Variants in SORCS3 observed in about 807,000 individuals in gnomAD.
SORCS3 encodes VPS10 domain-containing receptor SorCS3.
SORCS3 carries 57 observed loss-of-function variants against 146.3 expected under a neutral mutation model. The ratio of observed to expected loss-of-function variants is 0.39; its 90% confidence interval spans 0.31 to 0.49. The LOEUF (loss-of-function observed/expected upper bound fraction) is 0.49, where lower values mean the gene tolerates loss of function less well. Among genes scored for constraint, SORCS3 ranks in the 20% least tolerant of loss-of-function variants. The pLI is 0.92. For synonymous variants in SORCS3, 653 were observed against 618.5 expected (o/e 1.06, Z -0.83); for missense variants, 1,341 against 1,575.5 (o/e 0.85, Z 2.52).
intron 4 of SORCS3, among the ~76,000 whole-genome samples, chr10:104,999,898 GT>G (rs1278496698): frequency 2.0e-5 from 3 of 152,102 alleles, no homozygotes; most frequent in Admixed American, 2.0e-4. Context: ...CCACCTTCTT[GT>G]GATGGGCAGA....
At chr10:104,953,052 A>G (rs1274293918) in intron 3 of SORCS3, among the ~76,000 whole-genome samples, 3 of 152,216 alleles carry the variant, frequency 2.0e-5, no homozygotes, top group African/African-American at 7.2e-5. Context: ...TGAAGTTACA[A>G]TAAGAATAAT....
chr10:104,907,931 T>C (rs2018925358), intron 2 of SORCS3, among the ~76,000 whole-genome samples: 1 of 152,248 alleles, frequency 6.6e-6, no homozygotes, highest in Admixed American at 6.5e-5. Flanking sequence ...ATTGCAAAGA[T>C]ACAGATTAAT....
intron 1 of SORCS3, among the ~76,000 whole-genome samples, chr10:104,786,882 C>G (rs1046410549): frequency 6.6e-6 from 1 of 152,180 alleles, no homozygotes; most frequent in Non-Finnish European, 1.5e-5. Flanking sequence ...CCATTCAGAA[C>G]CTTCCACCAC....
chr10:104,680,297 G>A (rs1437269083), intron 1 of SORCS3, among the ~76,000 whole-genome samples: 1 of 152,204 alleles, frequency 6.6e-6, no homozygotes, highest in Non-Finnish European at 1.5e-5. Context: ...GCATTCACAC[G>A]GGGGCAGTGA....
At chr10:105,059,793 CCCCATCACGAA>C (rs2133717001) in intron 5 of SORCS3, among the ~76,000 whole-genome samples, 1 of 152,292 alleles carries the variant, frequency 6.6e-6, no homozygotes, top group East Asian at 1.9e-4. Flanking sequence ...TCACCCCAGG[CCCCATCACGAA>C]CCCACAGAGC....
At chr10:104,654,097 C>G (rs1484221721) in intron 1 of SORCS3, among the ~76,000 whole-genome samples, 1 of 152,140 alleles carries the variant, frequency 6.6e-6, no homozygotes, top group Non-Finnish European at 1.5e-5. Flanking sequence ...ACATAATGAC[C>G]TCTACTTCCA....
intron 8 of SORCS3, among the ~76,000 whole-genome samples, chr10:105,141,177 G>A (rs2056093093): frequency 1.3e-5 from 2 of 152,130 alleles, no homozygotes; most frequent in African/African-American, 2.4e-5. Context: ...GGGGACAAAT[G>A]AGGCCCTGAA....
rs536833390 is a variant in SORCS3, at chr10:104,673,080, G to A, written c.627+31126G>A. ...GATATTAGTATAGTCACCTTTGTTCGCTTTTGGTTAATGTTTGCATGGAAT... is the reference window on the plus strand; with the variant it reads ...GATATTAGTATAGTCACCTTTGTTCACTTTTGGTTAATGTTTGCATGGAAT... On this transcript the variant is annotated intron_variant, in intron 1 of 26. Coordinates refer to ENST00000369701, the MANE Select transcript of SORCS3 (RefSeq NM_014978.3). Among the ~76,000 whole-genome samples the A allele has an allele frequency of 1.3e-4, 20 of 152,048 alleles. No homozygotes were observed. The South Asian group carries it at 2.7e-3, about 21-fold the overall frequency.
At chr10:104,758,601 C>T (rs183471696) in intron 1 of SORCS3, among the ~76,000 whole-genome samples, 32 of 152,268 alleles carry the variant, frequency 2.1e-4, no homozygotes, top group Admixed American at 4.6e-4. Flanking sequence ...TTTGAACATT[C>T]TAGCTTTGGG....
At chr10:104,830,050 C>T (rs1363595967) in intron 1 of SORCS3, among the ~76,000 whole-genome samples, 1 of 152,098 alleles carries the variant, frequency 6.6e-6, no homozygotes, top group East Asian at 1.9e-4. Context: ...TCTCCTTTGC[C>T]TAGCCCCCCA....
At chr10:105,244,319 G>A (rs893231000) in intron 20 of SORCS3, among the ~76,000 whole-genome samples, 1 of 151,504 alleles carries the variant, frequency 6.6e-6, no homozygotes, top group African/African-American at 2.4e-5. Context: ...AACAACAAGG[G>A]TTTGAAATGT....
chr10:104,689,842 G>A (rs768669796), intron 1 of SORCS3, among the ~76,000 whole-genome samples: 4 of 152,114 alleles, frequency 2.6e-5, no homozygotes, highest in Admixed American at 6.5e-5. Context: ...ATTCCAGCTC[G>A]GGATTTTCTG....
chr10:105,017,464 G>A (rs1009768657), intron 4 of SORCS3, among the ~76,000 whole-genome samples: 10 of 152,184 alleles, frequency 6.6e-5, no homozygotes, highest in Non-Finnish European at 1.3e-4. Context: ...GCAAGGGTTT[G>A]CTAGCAGCAT....
At chr10:104,811,740 G>A (rs2017742915) in intron 1 of SORCS3, among the ~76,000 whole-genome samples, 1 of 152,178 alleles carries the variant, frequency 6.6e-6, no homozygotes, top group Admixed American at 6.5e-5. Context: ...GAGCGGTGCA[G>A]GGCAGATGAT....
intron 2 of SORCS3, among the ~76,000 whole-genome samples, chr10:104,849,096 A>T (rs935040003): frequency 3.3e-5 from 5 of 152,088 alleles, no homozygotes; most frequent in Non-Finnish European, 7.4e-5. Context: ...CTATTTTTCC[A>T]TTGGGATGTG....
chr10:104,671,621 A>T (rs1356029185), intron 1 of SORCS3, among the ~76,000 whole-genome samples: 1 of 151,406 alleles, frequency 6.6e-6, no homozygotes, highest in Non-Finnish European at 1.5e-5. Context: ...CACAGGTGTG[A>T]GCCACCATGC....
At chr10:104,891,787 G>C (rs1315734131) in intron 2 of SORCS3, among the ~76,000 whole-genome samples, 1 of 152,122 alleles carries the variant, frequency 6.6e-6, no homozygotes, top group Non-Finnish European at 1.5e-5. Flanking sequence ...CCTAAGGTTT[G>C]CTGAACCAGA....
intron 1 of SORCS3, among the ~76,000 whole-genome samples, chr10:104,743,319 G>A (rs1490183096): frequency 1.3e-5 from 2 of 152,196 alleles, no homozygotes; most frequent in South Asian, 2.1e-4. Flanking sequence ...GTTGCACCTA[G>A]TTTTACATGT....
chr10:104,685,651 C>G (rs973302419), intron 1 of SORCS3, among the ~76,000 whole-genome samples: 1 of 152,108 alleles, frequency 6.6e-6, no homozygotes. Context: ...TCTTTAAGCC[C>G]TTAAAAAAAC....
Sources: allele counts gnomAD v4.1 joint callset (sites outside exome capture counted in the v4.1 genomes callset), GRCh38; gene constraint gnomAD v4.1.1; transcripts MANE v1.5; gene names NCBI Gene and HGNC (gene_info 2026-07-23, HGNC 2026-07-21).